LRRC4C: variants seen among roughly 807,000 people sequenced by gnomAD.
LRRC4C encodes the protein leucine-rich repeat-containing protein 4C.
Under a neutral mutation model 33.6 loss-of-function variants are expected in LRRC4C, and 5 were observed. The observed-to-expected ratio is 0.15, with a 90% CI of 0.08 to 0.31. The LOEUF (loss-of-function observed/expected upper bound fraction) is 0.31, where lower values mean the gene tolerates loss of function less well. LRRC4C is among the 10% of genes least tolerant of loss of function. The pLI, the probability that LRRC4C is intolerant of heterozygous loss-of-function variation, is 1.00. For synonymous variants in LRRC4C, 329 were observed against 302.0 expected (o/e 1.09, Z -0.93); for missense variants, 560 against 796.7 (o/e 0.70, Z 3.58).
At chr11:40,843,116 C>A (rs1952990091) in intron 2 of LRRC4C, among the ~76,000 whole-genome samples, 1 of 152,096 alleles carries the variant, frequency 6.6e-6, no homozygotes. Flanking sequence ...AATTTGAGAA[C>A]CACTTGCCTG....
chr11:40,485,456 AT>A (rs1953810435), intron 3 of LRRC4C, among the ~76,000 whole-genome samples: 1 of 151,912 alleles, frequency 6.6e-6, no homozygotes, highest in African/African-American at 2.4e-5. Flanking sequence ...CTACCAGCTA[AT>A]TTGTGAAATG....
intron 3 of LRRC4C, among the ~76,000 whole-genome samples, chr11:40,558,618 T>C (rs1957421980): frequency 6.6e-6 from 1 of 152,342 alleles, no homozygotes; most frequent in South Asian, 2.1e-4. Context: ...CTGTACTGTG[T>C]CTCCTTGATA....
chr11:40,711,648 A>C, intron 2 of LRRC4C, among the ~76,000 whole-genome samples: 1 of 151,922 alleles, frequency 6.6e-6, no homozygotes, highest in East Asian at 1.9e-4. Context: ...TTGATAGTAG[A>C]TAGACATGAC....
intron 1 of LRRC4C, among the ~76,000 whole-genome samples, chr11:41,152,014 C>A (rs536472402): frequency 6.6e-6 from 1 of 152,274 alleles, no homozygotes; most frequent in African/African-American, 2.4e-5. Context: ...ATCCACTACC[C>A]ACCCTTCTCT....
intron 1 of LRRC4C, among the ~76,000 whole-genome samples, chr11:41,397,313 C>T (rs1953857854): frequency 6.6e-6 from 1 of 151,822 alleles, no homozygotes; most frequent in Non-Finnish European, 1.5e-5. Context: ...AACATCAAGG[C>T]CAACCTCTTC....
At chr11:40,961,375 A>G (rs1850967983) in intron 1 of LRRC4C, among the ~76,000 whole-genome samples, 1 of 151,656 alleles carries the variant, frequency 6.6e-6, no homozygotes, top group South Asian at 2.1e-4. Flanking sequence ...GGCTACAAAC[A>G]CTTGCCTCCT....
chr11:40,600,294 TGTAG>T (rs1441959340), intron 3 of LRRC4C, among the ~76,000 whole-genome samples: 4 of 152,184 alleles, frequency 2.6e-5, no homozygotes, highest in African/African-American at 9.6e-5. Flanking sequence ...AACCTCGGTG[TGTAG>T]GTATTGTTTT....
intron 3 of LRRC4C, among the ~76,000 whole-genome samples, chr11:40,499,496 G>T (rs942072648): frequency 2.6e-5 from 4 of 152,078 alleles, no homozygotes; most frequent in African/African-American, 9.7e-5. Context: ...CATTCAACCA[G>T]TAGGAAAGAA....
intron 5 of LRRC4C, among the ~76,000 whole-genome samples, chr11:40,177,571 G>A (rs894006058): frequency 1.3e-5 from 2 of 152,098 alleles, no homozygotes; most frequent in African/African-American, 4.8e-5. Context: ...TCTTCCCCCA[G>A]ATAGCTATAG....
Position 40,956,564 on chromosome 11 carries a change from T to C in LRRC4C, c.-495-22841A>G, listed in dbSNP as rs147016637. Among the ~76,000 whole-genome samples, 37 of 151,844 alleles carry C rather than the reference T, an allele frequency of 2.4e-4. No homozygotes were observed. The East Asian group carries it at 7.0e-3, about 29-fold the overall frequency. On this transcript the variant is annotated intron_variant, in intron 1 of 6. Transcript: ENST00000528697. ...GGATAATATTACCTTTCTAGGCTTA[T>C]CCCATGGAGTTTTGGTGAGAAATAA... is the stretch of plus-strand genomic sequence containing the variant.
intron 2 of LRRC4C, among the ~76,000 whole-genome samples, chr11:40,904,311 A>C (rs1956328559): frequency 6.9e-6 from 1 of 144,182 alleles, no homozygotes; most frequent in Admixed American, 6.8e-5. Flanking sequence ...CTCCCAAACC[A>C]ATTAATGACT....
At chr11:40,799,170 A>G (rs1189036811) in intron 2 of LRRC4C, among the ~76,000 whole-genome samples, 1 of 152,140 alleles carries the variant, frequency 6.6e-6, no homozygotes, top group Non-Finnish European at 1.5e-5. Flanking sequence ...TTTTTACTTC[A>G]TCAGCCCCCT....
At chr11:40,716,393 T>G (rs34499010) in intron 2 of LRRC4C, among the ~76,000 whole-genome samples, 6,209 of 152,230 alleles carry the variant, frequency 0.041, 130 homozygotes, top group Middle Eastern at 0.058. Context: ...ATATTGAGAT[T>G]GGTAATAAAT....
intron 4 of LRRC4C, among the ~76,000 whole-genome samples, chr11:40,311,767 A>C (rs1565260911): frequency 6.6e-6 from 1 of 151,978 alleles, no homozygotes; most frequent in Non-Finnish European, 1.5e-5. Context: ...CAACTTGGTG[A>C]AACCCTGTCT....
chr11:40,645,348 T>A (rs562125038), intron 3 of LRRC4C, among the ~76,000 whole-genome samples: 1 of 152,114 alleles, frequency 6.6e-6, no homozygotes, highest in Non-Finnish European at 1.5e-5. Context: ...GTGTGCTTTT[T>A]ATTAAATTAC....
intron 4 of LRRC4C, among the ~76,000 whole-genome samples, chr11:40,286,720 A>T (rs1262344573): frequency 6.6e-6 from 1 of 152,210 alleles, no homozygotes; most frequent in East Asian, 1.9e-4. Flanking sequence ...TTGCTCCCAA[A>T]ATAACTGCAA....
chr11:40,628,464 C>T (rs141779785), intron 3 of LRRC4C, among the ~76,000 whole-genome samples: 3,100 of 150,920 alleles, frequency 0.021, 49 homozygotes, highest in South Asian at 0.038. Flanking sequence ...GGCGACAGAG[C>T]GAGACTCCAT....
chr11:40,696,095 G>GTGTA (rs1555147400), intron 2 of LRRC4C, among the ~76,000 whole-genome samples: 6 of 139,226 alleles, frequency 4.3e-5, no homozygotes, highest in African/African-American at 1.1e-4. Flanking sequence ...ATGAGTGTGT[G>GTGTA]TATATATATA....
At chr11:40,894,091 T>C (rs894436595) in intron 2 of LRRC4C, among the ~76,000 whole-genome samples, 2 of 152,150 alleles carry the variant, frequency 1.3e-5, no homozygotes, top group African/African-American at 4.8e-5. Context: ...CTTAGATGCT[T>C]TGCAGATCAA....
Sources: allele counts gnomAD v4.1 joint callset (sites outside exome capture counted in the v4.1 genomes callset), GRCh38; gene constraint gnomAD v4.1.1; transcripts MANE v1.5; gene names NCBI Gene and HGNC (gene_info 2026-07-23, HGNC 2026-07-21).